Variants in SRPK2 observed in about 807,000 individuals in gnomAD.
SRPK2 encodes SRSF protein kinase 2.
In SRPK2, 21 loss-of-function variants were observed where a neutral mutation model predicts 90.8. The observed-to-expected ratio is 0.23, with a 90% CI of 0.16 to 0.33. SRPK2 has a LOEUF of 0.33. SRPK2 is among the 10% of genes least tolerant of loss of function. SRPK2 has a pLI of 1.00. For synonymous variants in SRPK2, 288 were observed against 311.1 expected (o/e 0.93, Z 0.78); for missense variants, 620 against 869.0 (o/e 0.71, Z 3.60).
At chr7:105,158,039 T>C (rs1420402858) in intron 7 of SRPK2, among the ~76,000 whole-genome samples, 1 of 152,170 alleles carries the variant, frequency 6.6e-6, no homozygotes. Flanking sequence ...CACTCCAGCC[T>C]GGGTAACAGA....
chr7:105,273,887 A>G (rs1806155205), intron 2 of SRPK2, among the ~76,000 whole-genome samples: 1 of 152,206 alleles, frequency 6.6e-6, no homozygotes, highest in South Asian at 2.1e-4. Context: ...ATTCTTAAAT[A>G]TACATTTCCA....
intron 2 of SRPK2, among the ~76,000 whole-genome samples, chr7:105,247,543 C>CACACACACACACAT (rs1801864782): frequency 6.6e-6 from 1 of 150,966 alleles, no homozygotes; most frequent in African/African-American, 2.4e-5. Flanking sequence ...CACACACACA[C>CACACACACACACAT]ACACACACAC....
intron 6 of SRPK2, among the ~76,000 whole-genome samples, chr7:105,161,968 G>C (rs915053149): frequency 6.6e-6 from 1 of 152,122 alleles, no homozygotes; most frequent in Non-Finnish European, 1.5e-5. Context: ...AGGTGGACTA[G>C]AACTCCTGGG....
intron 2 of SRPK2, among the ~76,000 whole-genome samples, chr7:105,283,911 G>C (rs757082954): frequency 2.0e-5 from 3 of 152,034 alleles, no homozygotes; most frequent in Non-Finnish European, 4.4e-5. Flanking sequence ...TGGAGGCTGA[G>C]CCCAGAAAGT....
chr7:105,265,534 C>G (rs1200872252), intron 2 of SRPK2, among the ~76,000 whole-genome samples: 2 of 152,148 alleles, frequency 1.3e-5, no homozygotes, highest in Non-Finnish European at 1.5e-5. Context: ...ATTACTACTA[C>G]TACTCTCCCC....
At chr7:105,323,468 T>A (rs576075671) in intron 2 of SRPK2, among the ~76,000 whole-genome samples, 12 of 152,340 alleles carry the variant, frequency 7.9e-5, no homozygotes, top group African/African-American at 2.9e-4. Context: ...CATAGAATCT[T>A]TCTAAAAACA....
chr7:105,318,252 G>A lies in SRPK2; in HGVS notation c.71+70396C>T, dbSNP rs1347431061. The stretch of plus-strand genomic sequence containing the variant: ...TGGGATTACAGGCGCACGCCAGGTC[G>A]CCCAGCTAATTTTTGTATTTTTAGT... On this transcript the variant is annotated intron_variant, in intron 2 of 15. Coordinates refer to ENST00000393651, the MANE Select transcript of SRPK2 (RefSeq NM_182692.3). Among the ~76,000 whole-genome samples, 4 of 152,028 alleles carry A rather than the reference G, an allele frequency of 2.6e-5. No individual in the cohort carries two copies. In the East Asian group the frequency reaches 5.8e-4, roughly 22 times the overall value.
chr7:105,127,571 T>C (rs1241215025), intron 13 of SRPK2, among the ~76,000 whole-genome samples: 1 of 152,218 alleles, frequency 6.6e-6, no homozygotes, highest in Non-Finnish European at 1.5e-5. Context: ...CATTTCTGAT[T>C]CAACCAAAGG....
chr7:105,237,527 C>A (rs1044955109), intron 2 of SRPK2, among the ~76,000 whole-genome samples: 2 of 152,164 alleles, frequency 1.3e-5, no homozygotes, highest in African/African-American at 4.8e-5. Flanking sequence ...ATTCTGGAGC[C>A]CAGATAGTTT....
intron 2 of SRPK2, among the ~76,000 whole-genome samples, chr7:105,243,311 T>C (rs539400843): frequency 2.0e-5 from 3 of 152,248 alleles, no homozygotes; most frequent in South Asian, 4.2e-4. Context: ...CCGCCTACAT[T>C]CTAATCTTAA....
chr7:105,367,223 G>A (rs535887205), intron 2 of SRPK2, among the ~76,000 whole-genome samples: 1 of 152,110 alleles, frequency 6.6e-6, no homozygotes. Flanking sequence ...ATTTACTGGA[G>A]ACAAGCTACC....
chr7:105,240,595 GA>G (rs909941589), intron 2 of SRPK2, among the ~76,000 whole-genome samples: 46 of 147,642 alleles, frequency 3.1e-4, no homozygotes, highest in African/African-American at 8.2e-4. Flanking sequence ...AGAAGAAAAG[GA>G]AAAAAAAAAT....
intron 2 of SRPK2, among the ~76,000 whole-genome samples, chr7:105,214,630 T>A (rs369068337): frequency 6.6e-6 from 1 of 152,190 alleles, no homozygotes; most frequent in Non-Finnish European, 1.5e-5. Context: ...AATAATAAAG[T>A]ACATAGAAAT....
At chr7:105,367,731 G>A (rs1427042927) in intron 2 of SRPK2, among the ~76,000 whole-genome samples, 1 of 152,108 alleles carries the variant, frequency 6.6e-6, no homozygotes, top group African/African-American at 2.4e-5. Context: ...TGCAAATAGT[G>A]CCGTGTACAG....
At chr7:105,234,074 C>A (rs1799845962) in intron 2 of SRPK2, among the ~76,000 whole-genome samples, 1 of 151,800 alleles carries the variant, frequency 6.6e-6, no homozygotes, top group Non-Finnish European at 1.5e-5. Flanking sequence ...TTTTTTATGA[C>A]TTACATAAAA....
intron 6 of SRPK2, among the ~76,000 whole-genome samples, chr7:105,164,994 T>C (rs1203090591): frequency 1.3e-5 from 2 of 152,176 alleles, no homozygotes; most frequent in Admixed American, 1.3e-4. Flanking sequence ...ATGAAAGTAC[T>C]GCCTACTCCA....
intron 2 of SRPK2, among the ~76,000 whole-genome samples, chr7:105,328,818 T>C (rs189447903): frequency 5.3e-4 from 79 of 150,408 alleles, no homozygotes; most frequent in Non-Finnish European, 1.1e-3. Flanking sequence ...TGAGCCGAGA[T>C]TGTGCCACTG....
intron 2 of SRPK2, among the ~76,000 whole-genome samples, chr7:105,338,703 T>C (rs1815406350): frequency 6.6e-6 from 1 of 152,218 alleles, no homozygotes; most frequent in South Asian, 2.1e-4. Flanking sequence ...AGAGAAATAA[T>C]TTTTGAATCC....
chr7:105,184,431 C>A (rs1793311371), intron 3 of SRPK2, among the ~76,000 whole-genome samples: 3 of 152,156 alleles, frequency 2.0e-5, no homozygotes, highest in Non-Finnish European at 4.4e-5. Flanking sequence ...AAACCAAATA[C>A]ACGATCTTTC....
Sources: gnomAD v4.1 joint callset for allele counts (sites outside exome capture counted in the v4.1 genomes callset) on GRCh38, gnomAD v4.1.1 for gene constraint, MANE v1.5 for transcripts, NCBI Gene and HGNC (gene_info 2026-07-23, HGNC 2026-07-21) for gene names.